Variants in PADI6 observed in about 807,000 individuals in gnomAD.
PADI6 encodes the protein peptidyl arginine deiminase 6.
Under a neutral mutation model 78.2 loss-of-function variants are expected in PADI6, and 66 were observed. The ratio of observed to expected loss-of-function variants is 0.84; its 90% CI spans 0.69 to 1.04. The LOEUF (loss-of-function observed/expected upper bound fraction) is 1.04. Among genes scored for constraint, PADI6 ranks in the 50% least tolerant of loss-of-function variants. The pLI is 0.00. For synonymous variants in PADI6, 397 were observed against 346.9 expected (o/e 1.14, Z -1.60); for missense variants, 854 against 866.1 (o/e 0.99, Z 0.18).
chr1:17,378,813 C>T (rs377609430), intron 3 of PADI6, among the ~76,000 whole-genome samples: 2 of 152,180 alleles, frequency 1.3e-5, no homozygotes, highest in East Asian at 1.9e-4. Flanking sequence ...CCATGTTGCT[C>T]AGTCTGGTCT....
chr1:17,387,644 C>CT (rs1186175868), intron 6 of PADI6, among the ~76,000 whole-genome samples: 1 of 152,128 alleles, frequency 6.6e-6, no homozygotes, highest in African/African-American at 2.4e-5. Context: ...GTTCCAGCTA[C>CT]TCAGGAAGCT....
chr1:17,382,468 A>G (rs2075082234), intron 6 of PADI6, among the ~76,000 whole-genome samples: 1 of 152,224 alleles, frequency 6.6e-6, no homozygotes, highest in Admixed American at 6.5e-5. Context: ...TTCACTCTAA[A>G]CCAATGATCC....
rs576369508 is a variant in PADI6 at position 17,373,865 on chromosome 1, G to A, written c.294+632G>A. Among the ~76,000 whole-genome samples, 45 of 152,178 alleles carry A rather than the reference G, an allele frequency of 3.0e-4. No homozygotes were observed. In the South Asian group the frequency reaches 5.6e-3, roughly 19 times the overall value. The stretch of plus-strand genomic sequence containing the variant: ...AAACCTAAGTAGCCTACCTAGAGTG[G>A]GATAGACCCAGGATTTGAGCTTGAG... On this transcript the variant is annotated intron_variant, in intron 2 of 15. Transcript: ENST00000619609.
chr1:17,386,198 G>A (rs1416405333), intron 6 of PADI6, among the ~76,000 whole-genome samples: 5 of 152,168 alleles, frequency 3.3e-5, no homozygotes, highest in African/African-American at 1.2e-4. Context: ...CTGTTTAATG[G>A]GGACAACAAA....
At chr1:17,386,542 A>AG (rs550954097) in intron 6 of PADI6, among the ~76,000 whole-genome samples, 4 of 152,192 alleles carry the variant, frequency 2.6e-5, no homozygotes, top group Non-Finnish European at 5.9e-5. Context: ...GCAGGTCAAG[A>AG]GGGCTGTGTC....
At position 17,396,435 on chromosome 1, in the gene PADI6, G is replaced by T. The variant is rs569667212; in HGVS notation, c.1619-636G>T. Among the ~76,000 whole-genome samples, 435 of 152,216 alleles carry T rather than the reference G, an allele frequency of 2.9e-3. 1 individual carries two copies. The highest frequency in any genetic ancestry group is 0.014 in the Middle Eastern group (4 of 294). On this transcript the variant is annotated intron_variant, in intron 13 of 15. Coordinates refer to ENST00000619609, the MANE Select transcript of PADI6 (RefSeq NM_207421.4). ...CCCAGAAAGGGGCTGGGGGTATTAGGTTTTTCTAGACCCTCAATACTCAAA... is the reference window on the plus strand; with the variant it reads ...CCCAGAAAGGGGCTGGGGGTATTAGTTTTTTCTAGACCCTCAATACTCAAA...
intron 13 of PADI6, among the ~76,000 whole-genome samples, chr1:17,396,279 G>A (rs779919899): frequency 5.3e-5 from 8 of 152,158 alleles, no homozygotes; most frequent in Non-Finnish European, 8.8e-5. Context: ...TCAGCTACTC[G>A]GGAGGCTGAG....
chr1:17,397,187 C>T (rs369180497), intron 14 of PADI6, 46 bp downstream of exon 14: 41 of 1,599,628 alleles, frequency 2.6e-5, no homozygotes, highest in Admixed American at 3.4e-5. Context: ...GAGCTGGTGC[C>T]GCAGGTCTTG....
chr1:17,381,705 C>T (rs755863034), intron 5 of PADI6, among the ~76,000 whole-genome samples: 27 of 152,106 alleles, frequency 1.8e-4, no homozygotes, highest in Non-Finnish European at 3.4e-4. Flanking sequence ...CTGAACTGAT[C>T]GAGGTAGGCC....
At chr1:17,380,096 G>C in intron 4 of PADI6, 109 bp downstream of exon 4, 1 of 1,092,566 alleles carries the variant, frequency 9.2e-7, no homozygotes, top group Non-Finnish European at 1.4e-6. Context: ...CTGTGACATT[G>C]CTGAAGGATT....
At chr1:17,395,487 G>A (rs2075237442) in intron 12 of PADI6, 53 bp from the exon 13 acceptor site, 1 of 1,537,168 alleles carries the variant, frequency 6.5e-7, no homozygotes, top group East Asian at 2.5e-5. Flanking sequence ...ACAGATATGA[G>A]CCACCATGTC....
At position 17,401,301 on chromosome 1, in the gene PADI6, T is replaced by TTGC. The variant is rs769428616; in HGVS notation, c.1951_1953dup (p.Leu651dup). 1 of 1,614,086 alleles carries TTGC rather than the reference T, an allele frequency of 6.2e-7. No individual in the cohort carries two copies. The highest frequency in any genetic ancestry group is 8.5e-7 in the Non-Finnish European group (1 of 1,179,904). On this transcript the variant is annotated inframe_insertion, in exon 16 of 16. Transcript: ENST00000619609. ...CTGCCTGGAAGAAAAGATTTGCTGC[T>TTGC]TGCTGGAGCCCCTGGGCTTCAAGTG...
chr1:17,384,982 A>G (rs2100302015), intron 6 of PADI6, among the ~76,000 whole-genome samples: 1 of 152,312 alleles, frequency 6.6e-6, no homozygotes, highest in South Asian at 2.1e-4. Context: ...AGATGTATAG[A>G]TGGAACTGAT....
intron 6 of PADI6, among the ~76,000 whole-genome samples, chr1:17,387,323 T>TA (rs2075129590): frequency 6.6e-6 from 1 of 152,074 alleles, no homozygotes; most frequent in South Asian, 2.1e-4. Flanking sequence ...TGCACACCTA[T>TA]AGTCCTAGCT....
chr1:17,390,502 G>C (rs1251492634), intron 8 of PADI6, among the ~76,000 whole-genome samples: 1 of 151,986 alleles, frequency 6.6e-6, no homozygotes, highest in Non-Finnish European at 1.5e-5. Context: ...TACTCGGGAG[G>C]CTGAGGCAGG....
In PADI6 at chr1:17,374,656, G is replaced by T. The variant is rs553077794; in HGVS notation, c.295-771G>T. On this transcript the variant is annotated intron_variant, in intron 2 of 15. Coordinates refer to ENST00000619609, the MANE Select transcript of PADI6 (RefSeq NM_207421.4). ...AAAGGTATCTCAGATAAGAATGGAG[G>T]CCACGGTGGGTGCCAGTGGAACTCC... Among the ~76,000 whole-genome samples the T allele has an allele frequency of 2.6e-5, 4 of 152,222 alleles. No individual in the cohort carries two copies. In the Middle Eastern group the frequency reaches 0.01, roughly 388 times the overall value.
At chr1:17,393,492 A>ATCTTCCTTTC (rs2075212180) in intron 9 of PADI6, among the ~76,000 whole-genome samples, 1 of 152,180 alleles carries the variant, frequency 6.6e-6, no homozygotes, top group Non-Finnish European at 1.5e-5. Context: ...TTGTTAATGG[A>ATCTTCCTTTC]TTCTTTACGA....
chr1:17,386,108 T>G (rs2075116679), intron 6 of PADI6, among the ~76,000 whole-genome samples: 1 of 152,078 alleles, frequency 6.6e-6, no homozygotes, highest in Non-Finnish European at 1.5e-5. Context: ...CTGTGAGGAC[T>G]GAGGGCAGGG....
chr1:17,379,893 C>CT (rs767024545), intron 3 of PADI6, 27 bp from the exon 4 acceptor site: 1 of 1,609,180 alleles, frequency 6.2e-7, no homozygotes, highest in South Asian at 1.1e-5. Flanking sequence ...GTCAAGGTGG[C>CT]TGGGACACCC....
Sources: gnomAD v4.1 joint callset for allele counts (sites outside exome capture counted in the v4.1 genomes callset) on GRCh38, gnomAD v4.1.1 for gene constraint, MANE v1.5 for transcripts, NCBI Gene and HGNC (gene_info 2026-07-23, HGNC 2026-07-21) for gene names.